SYTL3: variants seen among roughly 807,000 people sequenced by gnomAD.
The protein encoded by SYTL3 is synaptotagmin-like protein 3.
In SYTL3, 88 loss-of-function variants were observed where a neutral mutation model predicts 82.1. The ratio of observed to expected loss-of-function variants is 1.07; its 90% CI spans 0.90 to 1.28. SYTL3 has a LOEUF of 1.28. Among genes scored for constraint, SYTL3 ranks in the 50% most tolerant of loss-of-function variants. SYTL3 has a pLI of 0.00. For synonymous variants in SYTL3, 311 were observed against 289.4 expected, an observed-to-expected ratio of 1.07 and a Z score of -0.76; for missense variants, 831 against 757.6, an observed-to-expected ratio of 1.10 and a Z score of -1.14.
chr6:158,669,873 G>A (rs751725306), intron 5 of SYTL3, among the ~76,000 whole-genome samples: 15 of 152,196 alleles, frequency 9.9e-5, no homozygotes, highest in Non-Finnish European at 1.9e-4. Context: ...ATGCCCAAGC[G>A]GGAGGATCAC....
At chr6:158,719,441 A>G (rs1783812852) in intron 10 of SYTL3, among the ~76,000 whole-genome samples, 4 of 152,162 alleles carry the variant, frequency 2.6e-5, no homozygotes, top group African/African-American at 9.7e-5. Flanking sequence ...TGCGGGGTGG[A>G]CGTGAGATGA....
chr6:158,733,923 C>T (rs1785776002), intron 11 of SYTL3, among the ~76,000 whole-genome samples: 2 of 151,154 alleles, frequency 1.3e-5, no homozygotes, highest in Middle Eastern at 3.4e-3. Context: ...CGGTGAAACC[C>T]CGTCTCTACT....
intron 12 of SYTL3, among the ~76,000 whole-genome samples, chr6:158,748,942 T>A (rs904717386): frequency 6.0e-5 from 9 of 149,504 alleles, no homozygotes; most frequent in African/African-American, 2.2e-4. Context: ...AATAAGGGGG[T>A]CAGGCTGGGG....
chr6:158,682,895 C>G, intron 5 of SYTL3, 30 bp from the exon 6 acceptor site: 1 of 1,581,320 alleles, frequency 6.3e-7, no homozygotes, highest in South Asian at 1.1e-5. Flanking sequence ...TCTTCTCTCT[C>G]TGAAGCTTCC....
At position 158,760,676 on chromosome 6, in the gene SYTL3, G is replaced by A; in HGVS notation, c.1345G>A (p.Gly449Arg). 1.2e-6 allele frequency: 2 copies of A among 1,614,118 alleles called. No homozygotes were observed. The highest frequency in any genetic ancestry group is 1.1e-5 in the South Asian group (1 of 91,076). ...KYEDSVPQSNGELTVRAKLVL... is the reference protein window; with the variant it reads ...KYEDSVPQSNRELTVRAKLVL... Reference sequence around the variant, plus strand: ...CGAAGACAGCGTTCCTCAGAGTAATGGAGAGCTCACAGTCCGGGCTAAGCT... The same window carrying A: ...CGAAGACAGCGTTCCTCAGAGTAATAGAGAGCTCACAGTCCGGGCTAAGCT... Residue 449 changes from glycine to arginine, a missense_variant, in exon 15 of 18, where the codon GGA (glycine) becomes AGA (arginine). Transcript: ENST00000611299.
chr6:158,680,267 G>A (rs183589858), intron 5 of SYTL3, among the ~76,000 whole-genome samples: 20 of 152,246 alleles, frequency 1.3e-4, no homozygotes, highest in African/African-American at 4.8e-4. Flanking sequence ...AAGTACTCCA[G>A]GGGAAAACTT....
intron 6 of SYTL3, among the ~76,000 whole-genome samples, chr6:158,702,115 G>T (rs1324751982): frequency 6.6e-6 from 1 of 151,810 alleles, no homozygotes; most frequent in Non-Finnish European, 1.5e-5. Context: ...TGGATGGGAG[G>T]ATCACTGCAG....
intron 12 of SYTL3, among the ~76,000 whole-genome samples, chr6:158,748,376 CT>C (rs1208486119): frequency 3.3e-5 from 5 of 152,128 alleles, no homozygotes; most frequent in African/African-American, 1.2e-4. Context: ...TTGTTCTAGT[CT>C]TAGCTTTTAT....
At chr6:158,725,664 T>C (rs924211706) in intron 11 of SYTL3, 27 bp downstream of exon 11, 1 of 968,820 alleles carries the variant, frequency 1.0e-6, no homozygotes, top group African/African-American at 1.5e-5. Flanking sequence ...TGCTCTTTTT[T>C]TGTTTTTTTG....
At chr6:158,736,406 G>C (rs1432789558) in intron 11 of SYTL3, among the ~76,000 whole-genome samples, 2 of 152,054 alleles carry the variant, frequency 1.3e-5, no homozygotes, top group African/African-American at 4.8e-5. Context: ...AAATTATGGA[G>C]AATGTGCACA....
intron 4 of SYTL3, among the ~76,000 whole-genome samples, chr6:158,664,080 T>C (rs1250144754): frequency 6.6e-6 from 1 of 152,162 alleles, no homozygotes. Context: ...TGTTTATCAA[T>C]GTCTATGGAG....
At chr6:158,665,308 A>G in intron 4 of SYTL3, 87 bp from the exon 5 acceptor site, 3 of 1,289,636 alleles carry the variant, frequency 2.3e-6, no homozygotes, top group Non-Finnish European at 3.2e-6. Context: ...TTCCCTTGCC[A>G]TGGGGGTTAC....
intron 11 of SYTL3, chr6:158,726,458 C>T (rs1017560739): frequency 2.6e-5 from 5 of 193,212 alleles, no homozygotes; most frequent in Non-Finnish European, 4.2e-5. Context: ...AATTATGCCT[C>T]CCAATAGGCC....
chr6:158,647,314 C>T (rs866185657), upstream of SYTL3, among the ~76,000 whole-genome samples: 106 of 152,284 alleles, frequency 7.0e-4, no homozygotes, highest in Middle Eastern at 6.8e-3. Context: ...TAAATGATCG[C>T]GATGTATGAC....
intron 11 of SYTL3, among the ~76,000 whole-genome samples, chr6:158,740,353 C>G (rs887507735): frequency 6.6e-6 from 1 of 151,998 alleles, no homozygotes; most frequent in East Asian, 1.9e-4. Flanking sequence ...GGAGAAATTT[C>G]TATTTGATTC....
At chr6:158,722,221 T>G (rs1459845011) in intron 10 of SYTL3, among the ~76,000 whole-genome samples, 2 of 151,990 alleles carry the variant, frequency 1.3e-5, no homozygotes, top group East Asian at 3.9e-4. Flanking sequence ...AGTGTAGTGG[T>G]GCAAACACAG....
At chr6:158,707,060 C>A (rs1272407843) in intron 6 of SYTL3, among the ~76,000 whole-genome samples, 170 bp from the exon 7 acceptor site, 1 of 152,058 alleles carries the variant, frequency 6.6e-6, no homozygotes, top group Non-Finnish European at 1.5e-5. Context: ...GTTGTACAAC[C>A]ATCTCTACAC....
At chr6:158,749,294 G>A (rs1212141407) in intron 12 of SYTL3, among the ~76,000 whole-genome samples, 4 of 148,208 alleles carry the variant, frequency 2.7e-5, no homozygotes, top group Non-Finnish European at 4.5e-5. Flanking sequence ...TTGGGAGGCT[G>A]AGGTGGGAGA....
chr6:158,713,583 C>T (rs902664418), intron 8 of SYTL3, among the ~76,000 whole-genome samples: 20 of 152,134 alleles, frequency 1.3e-4, no homozygotes, highest in African/African-American at 3.9e-4. Context: ...TAGGGAGAGA[C>T]GCTGAATGAA....
Sources: allele counts gnomAD v4.1 joint callset (sites outside exome capture counted in the v4.1 genomes callset), GRCh38; gene constraint gnomAD v4.1.1; transcripts MANE v1.5; gene names NCBI Gene and HGNC (gene_info 2026-07-23, HGNC 2026-07-21).